The following ADCK1 variants were observed in gnomAD, a reference collection of about 807,000 sequenced individuals.
The protein encoded by ADCK1 is aarF domain containing kinase 1.
ADCK1 carries 41 observed loss-of-function variants against 52.3 expected under a neutral mutation model. The ratio of observed to expected loss-of-function variants is 0.78; its 90% CI spans 0.61 to 1.02. ADCK1 has a LOEUF of 1.02. ADCK1 is among the 50% of genes least tolerant of loss of function. The probability of loss-of-function intolerance (pLI) is 0.00; values close to 1 mark genes in which losing one functional copy is unlikely to be tolerated. For synonymous variants in ADCK1, 250 were observed against 274.6 expected, an observed-to-expected ratio of 0.91 and a Z score of 0.89; for missense variants, 658 against 679.5, an observed-to-expected ratio of 0.97 and a Z score of 0.35.
chr14:77,899,563 G>A (rs1258035704), intron 6 of ADCK1, among the ~76,000 whole-genome samples: 2 of 152,212 alleles, frequency 1.3e-5, no homozygotes, highest in Non-Finnish European at 2.9e-5. Flanking sequence ...GCCTCTGTGA[G>A]GCATGGGATG....
At chr14:77,819,292 A>G (rs145351510) in intron 2 of ADCK1, among the ~76,000 whole-genome samples, 179 bp downstream of exon 2, 1 of 152,256 alleles carries the variant, frequency 6.6e-6, no homozygotes, top group East Asian at 1.9e-4. Context: ...ATATTCCTTT[A>G]TTCCTGAACA....
At chr14:77,835,067 C>T (rs1254245897) in intron 3 of ADCK1, among the ~76,000 whole-genome samples, 1 of 152,150 alleles carries the variant, frequency 6.6e-6, no homozygotes, top group African/African-American at 2.4e-5. Context: ...ATGGATGTGG[C>T]AACATCATGA....
Position 77,924,519 on chromosome 14 carries a change from C to T in ADCK1, c.921C>T (p.Cys307=), listed in dbSNP as rs185530049. 5.9e-4 allele frequency: 953 copies of T among 1,614,096 alleles called. 18 individuals are homozygous for T. In the Admixed American group the frequency reaches 0.015, roughly 25 times the overall value. Residue 307 remains cysteine (C), a synonymous_variant, in exon 8 of 11, where the codon TGC becomes TGT. Coordinates refer to ENST00000238561, the MANE Select transcript of ADCK1 (RefSeq NM_020421.4). ...TCTTCGTCAATGGCTTCGTGCACTG[C>T]GATCCCCACCCCGGCAATGTACTGG... ...EMIFVNGFVH[C]DPHPGNVLVR...
chr14:77,913,363 G>T (rs1267951903), intron 7 of ADCK1, among the ~76,000 whole-genome samples: 1 of 152,196 alleles, frequency 6.6e-6, no homozygotes, highest in Non-Finnish European at 1.5e-5. Context: ...CTGCCCAGGG[G>T]TGCCCACCTG....
chr14:77,899,384 G>C, intron 6 of ADCK1, 126 bp downstream of exon 6: 3 of 1,248,522 alleles, frequency 2.4e-6, no homozygotes, highest in African/African-American at 1.5e-5. Flanking sequence ...TCCTCTTACT[G>C]AGGATGAATG....
At chr14:77,914,485 G>C in intron 7 of ADCK1, 5 of 985,462 alleles carry the variant, frequency 5.1e-6, no homozygotes, top group Non-Finnish European at 6.0e-6. Flanking sequence ...GATTTCTCGA[G>C]CAGCTACCAT....
chr14:77,867,714 C>T (rs945089566), intron 4 of ADCK1, among the ~76,000 whole-genome samples: 2 of 152,182 alleles, frequency 1.3e-5, no homozygotes, highest in Non-Finnish European at 2.9e-5. Context: ...TGACCACTGC[C>T]CTCCTGCAGG....
Position 77,924,474 on chromosome 14 carries a change from C to G in ADCK1, c.876C>G (p.Gly292=). The change falls in exon 8 of 11, where the codon GGC becomes GGG. Residue 292 remains glycine (G), a synonymous_variant. Coordinates refer to ENST00000238561, the MANE Select transcript of ADCK1 (RefSeq NM_020421.4). The stretch of plus-strand genomic sequence containing the variant: ...TCTTTCAGATCTCACGCCACCTGGG[C>G]AAGATGTATAGTGAGATGATCTTCG... ...IDVNEISRHL[G]KMYSEMIFVN... The G allele has an allele frequency of 5.0e-6, 8 of 1,614,072 alleles. No homozygotes were observed. Among genetic ancestry groups the G allele is most frequent in the Non-Finnish European group, 5.9e-6 (7 of 1,180,024 alleles).
intron 3 of ADCK1, among the ~76,000 whole-genome samples, chr14:77,843,488 C>T (rs917634135): frequency 1.3e-5 from 2 of 152,190 alleles, no homozygotes; most frequent in Non-Finnish European, 2.9e-5. Flanking sequence ...TCCTCTTCAG[C>T]TTTTCTGGCA....
chr14:77,809,708 T>C (rs1319670634), intron 1 of ADCK1, among the ~76,000 whole-genome samples: 2 of 152,016 alleles, frequency 1.3e-5, no homozygotes, highest in Admixed American at 6.6e-5. Context: ...TCTTTGACTT[T>C]TGACTTTTCA....
chr14:77,844,136 C>T (rs1226140483), intron 3 of ADCK1, among the ~76,000 whole-genome samples: 1 of 151,950 alleles, frequency 6.6e-6, no homozygotes, highest in Non-Finnish European at 1.5e-5. Flanking sequence ...GATGTGATCT[C>T]CCCTTACTGC....
chr14:77,848,250 C>A (rs1018807627), intron 3 of ADCK1, among the ~76,000 whole-genome samples: 1 of 152,220 alleles, frequency 6.6e-6, no homozygotes, highest in African/African-American at 2.4e-5. Context: ...GGATGGGCAG[C>A]AGAGTGTAGA....
At position 77,804,365 on chromosome 14, in the gene ADCK1, T is replaced by C. The variant is rs557818995; in HGVS notation, c.-12+4195T>C. On this transcript the variant is annotated intron_variant, in intron 1 of 10. Coordinates refer to ENST00000238561, the MANE Select transcript of ADCK1 (RefSeq NM_020421.4). ...CTCAGGGACACCTTATGGAAAACTC[T>C]AGCTCCAGTCTATTTAGATGCCATT... is the stretch of plus-strand genomic sequence containing the variant. Among the ~76,000 whole-genome samples the C allele has an allele frequency of 3.9e-5, 6 of 152,378 alleles. 1 individual carries two copies. The highest frequency in any genetic ancestry group is 1.4e-4 in the African/African-American group (6 of 41,590).
chr14:77,903,710 G>T (rs757400826), intron 6 of ADCK1, among the ~76,000 whole-genome samples: 4 of 152,160 alleles, frequency 2.6e-5, no homozygotes, highest in Non-Finnish European at 5.9e-5. Context: ...GTGGGGATAG[G>T]TGTGCAGGGC....
intron 6 of ADCK1, among the ~76,000 whole-genome samples, chr14:77,905,778 C>T (rs1221322075): frequency 6.6e-6 from 1 of 152,150 alleles, no homozygotes; most frequent in Non-Finnish European, 1.5e-5. Context: ...GATGCCACAG[C>T]ATTCCAGCCT....
At position 77,921,549 on chromosome 14, in the gene ADCK1, G is replaced by C. The variant is rs140827602; in HGVS notation, c.859-2908G>C. Among the ~76,000 whole-genome samples the C allele has an allele frequency of 6.6e-3, 1,007 of 152,208 alleles. 9 individuals are homozygous for C. The highest frequency in any genetic ancestry group is 0.031 in the Middle Eastern group (9 of 294). On this transcript the variant is annotated intron_variant, in intron 7 of 10. Transcript: ENST00000238561. ...TGAGAAGAGAGGTGCCTTATCCCCA[G>C]ATCTCCCATGCCCAGAGTGACAGAA...
intron 7 of ADCK1, among the ~76,000 whole-genome samples, chr14:77,911,742 T>G (rs983200674): frequency 6.6e-6 from 1 of 152,008 alleles, no homozygotes; most frequent in African/African-American, 2.4e-5. Context: ...CTTTTTTTTT[T>G]TTTTTAAACC....
chr14:77,844,086 G>C (rs951643299), intron 3 of ADCK1, among the ~76,000 whole-genome samples: 5 of 151,548 alleles, frequency 3.3e-5, no homozygotes, highest in African/African-American at 1.2e-4. Context: ...TTTTTTTCTG[G>C]AGACAGAGTC....
intron 4 of ADCK1, among the ~76,000 whole-genome samples, chr14:77,871,772 T>C (rs1267396771): frequency 1.3e-5 from 2 of 152,190 alleles, no homozygotes; most frequent in Non-Finnish European, 2.9e-5. Context: ...GGTGGAGCAC[T>C]GTCAGGGCTA....
Sources: allele counts gnomAD v4.1 joint callset (sites outside exome capture counted in the v4.1 genomes callset), GRCh38; gene constraint gnomAD v4.1.1; transcripts MANE v1.5; gene names NCBI Gene and HGNC (gene_info 2026-07-23, HGNC 2026-07-21).